Variants in COL21A1 observed in about 807,000 individuals in gnomAD.
The protein encoded by COL21A1 is collagen alpha-1(XXI) chain.
In COL21A1, 149 loss-of-function variants were observed where a neutral mutation model predicts 137.9. The ratio of observed to expected loss-of-function variants is 1.08; its 90% CI spans 0.95 to 1.24. The LOEUF is 1.24. Ranked by LOEUF, COL21A1 falls within the 50% of genes most tolerant of loss-of-function variation. The pLI is 0.00. For synonymous variants in COL21A1, 456 were observed against 391.5 expected, an observed-to-expected ratio of 1.16 and a Z score of -1.95; for missense variants, 1,167 against 1,158.4, an observed-to-expected ratio of 1.01 and a Z score of -0.11.
chr6:56,342,449 T>C (rs16887804), intron 1 of COL21A1, among the ~76,000 whole-genome samples: 4,400 of 152,304 alleles, frequency 0.029, 368 homozygotes, highest in Admixed American at 0.17. Context: ...CCATTAATGC[T>C]CTTCAGGAGT....
At chr6:56,331,081 C>A (rs1376887451) in intron 1 of COL21A1, among the ~76,000 whole-genome samples, 1 of 151,734 alleles carries the variant, frequency 6.6e-6, no homozygotes, top group Non-Finnish European at 1.5e-5. Context: ...GCTTGTTGAC[C>A]ATTTATATGT....
At chr6:56,305,641 A>G (rs1764427801) in intron 1 of COL21A1, among the ~76,000 whole-genome samples, 1 of 152,062 alleles carries the variant, frequency 6.6e-6, no homozygotes, top group Admixed American at 6.5e-5. Flanking sequence ...TGCACGTGAG[A>G]TGGGTTTCCT....
chr6:56,293,218 TAA>T (rs1056228598), intron 1 of COL21A1, among the ~76,000 whole-genome samples: 1 of 152,186 alleles, frequency 6.6e-6, no homozygotes, highest in Non-Finnish European at 1.5e-5. Context: ...TTAAGTAATG[TAA>T]AAAGTGTCAA....
chr6:56,116,952 A>G (rs1038692587), intron 16 of COL21A1, among the ~76,000 whole-genome samples: 3 of 152,024 alleles, frequency 2.0e-5, no homozygotes, highest in Non-Finnish European at 2.9e-5. Flanking sequence ...ATGAATACAC[A>G]AAAAATAAAA....
intron 1 of COL21A1, among the ~76,000 whole-genome samples, chr6:56,199,284 G>A (rs894226045): frequency 2.7e-5 from 4 of 149,072 alleles, no homozygotes; most frequent in Non-Finnish European, 4.5e-5. Context: ...TCTCAAATAT[G>A]GAATTCTGTT....
chr6:56,211,293 GCA>G (rs1250673839), intron 1 of COL21A1, among the ~76,000 whole-genome samples: 1 of 149,812 alleles, frequency 6.7e-6, no homozygotes, highest in Non-Finnish European at 1.5e-5. Flanking sequence ...TATTTGTAAT[GCA>G]CAGTCACCAA....
intron 1 of COL21A1, among the ~76,000 whole-genome samples, chr6:56,184,153 A>G (rs1408652926): frequency 6.6e-6 from 1 of 152,198 alleles, no homozygotes. Flanking sequence ...TTCCGAATTA[A>G]TGAAAGCCAC....
At chr6:56,332,475 CA>C (rs1299243733) in intron 1 of COL21A1, among the ~76,000 whole-genome samples, 15 of 142,916 alleles carry the variant, frequency 1.0e-4, no homozygotes, top group East Asian at 2.0e-4. Flanking sequence ...TTGGGTAAAA[CA>C]TTTTTTTTTT....
intron 9 of COL21A1, 98 bp from the exon 10 acceptor site, chr6:56,157,047 G>A: frequency 1.5e-6 from 1 of 675,102 alleles, no homozygotes; most frequent in Non-Finnish European, 2.4e-6. Flanking sequence ...ATTATTTGAG[G>A]TTTTTTGTAT....
At chr6:56,134,340 G>C (rs1490542384) in intron 12 of COL21A1, among the ~76,000 whole-genome samples, 1 of 152,056 alleles carries the variant, frequency 6.6e-6, no homozygotes, top group Non-Finnish European at 1.5e-5. Context: ...CCTTCGTTTT[G>C]GTCAATTTCT....
chr6:56,273,441 A>G (rs927954197), intron 1 of COL21A1, among the ~76,000 whole-genome samples: 2 of 152,216 alleles, frequency 1.3e-5, no homozygotes, highest in African/African-American at 4.8e-5. Context: ...ACCAAAAGTT[A>G]GTACTTCAAA....
rs1472741283 is a variant in COL21A1 at position 56,144,151 on chromosome 6, T to A, written c.1435-2168A>T. Among the ~76,000 whole-genome samples, 7 of 152,186 alleles carry A rather than the reference T, an allele frequency of 4.6e-5. No individual in the cohort carries two copies. The East Asian group carries it at 1.3e-3, about 29-fold the overall frequency. On this transcript the variant is annotated intron_variant, in intron 10 of 29. Coordinates refer to ENST00000244728, the MANE Select transcript of COL21A1 (RefSeq NM_030820.4). Reference sequence around the variant, plus strand: ...TCTGTCACTGCTAGCAATGTACAAATATAGAATTCACTTTCCTCCTTACAA... The same window carrying A: ...TCTGTCACTGCTAGCAATGTACAAAAATAGAATTCACTTTCCTCCTTACAA...
intron 3 of COL21A1, among the ~76,000 whole-genome samples, chr6:56,171,584 G>A (rs78568810): frequency 0.029 from 4,416 of 151,766 alleles, 94 homozygotes; most frequent in Non-Finnish European, 0.051. Context: ...TTCTTTTCTT[G>A]CATTCTTAGC....
chr6:56,314,824 A>C (rs1345391335), intron 1 of COL21A1, among the ~76,000 whole-genome samples: 3 of 152,144 alleles, frequency 2.0e-5, no homozygotes, highest in Non-Finnish European at 4.4e-5. Flanking sequence ...TTCCCTTGTA[A>C]TTTTGAATTA....
intron 1 of COL21A1, among the ~76,000 whole-genome samples, chr6:56,317,037 T>G (rs1412322948): frequency 2.0e-5 from 3 of 152,116 alleles, no homozygotes; most frequent in Non-Finnish European, 4.4e-5. Flanking sequence ...AAAATTATCA[T>G]GTAAATATTA....
rs140558334 is a variant in COL21A1 at position 56,182,414 on chromosome 6, G to A, written c.88+117C>T. 5.3e-5 allele frequency: 35 copies of A among 664,586 alleles called. No homozygotes were observed. The African/African-American group carries it at 6.4e-4, about 12-fold the overall frequency. 41.2% of individuals were successfully genotyped at this position (664,586 alleles called of 1,614,324 possible). A position where few individuals can be genotyped will look rare whatever the true frequency, so the allele number is the denominator to read the frequency against. The stretch of plus-strand genomic sequence containing the variant: ...CATAGCAATTCATTTATTTTAGGGA[G>A]TTACAGAATCAAAGACAGTAAGAAT... On this transcript the variant is annotated intron_variant, in intron 2 of 29. Coordinates refer to ENST00000244728, the MANE Select transcript of COL21A1 (RefSeq NM_030820.4).
intron 1 of COL21A1, among the ~76,000 whole-genome samples, chr6:56,342,058 G>A (rs910736868): frequency 2.0e-5 from 3 of 152,150 alleles, no homozygotes; most frequent in African/African-American, 7.2e-5. Context: ...GCATGTGACT[G>A]GGCTCCAGTG....
intron 17 of COL21A1, among the ~76,000 whole-genome samples, chr6:56,081,707 AAC>A (rs1767784704): frequency 6.6e-6 from 1 of 151,892 alleles, no homozygotes; most frequent in African/African-American, 2.4e-5. Context: ...TAAGGAAATG[AAC>A]AGTTTTCTAT....
At chr6:56,393,050 CA>C (rs34338247) in intron 1 of COL21A1, among the ~76,000 whole-genome samples, 45,800 of 123,672 alleles carry the variant, frequency 0.37, 7,596 homozygotes, top group East Asian at 0.64. Context: ...CAATCCTTAG[CA>C]AAAAAAAAAA....
Sources: allele counts gnomAD v4.1 joint callset (sites outside exome capture counted in the v4.1 genomes callset), GRCh38; gene constraint gnomAD v4.1.1; transcripts MANE v1.5; gene names NCBI Gene and HGNC (gene_info 2026-07-23, HGNC 2026-07-21).